STPG2: variants seen among roughly 807,000 people sequenced by gnomAD.
STPG2 encodes the protein sperm-tail PG-rich repeat-containing protein 2.
A neutral mutation model predicts 54.2 loss-of-function variants in STPG2; 56 were observed. The observed-to-expected ratio is 1.03, with a 90% confidence interval of 0.83 to 1.29. The LOEUF is 1.29. STPG2 is among the 50% of genes most tolerant of loss of function. The pLI, the probability that STPG2 is intolerant of heterozygous loss-of-function variation, is 0.00. For synonymous variants in STPG2, 200 were observed against 181.8 expected, an observed-to-expected ratio of 1.10 and a Z score of -0.81; for missense variants, 596 against 544.9, an observed-to-expected ratio of 1.09 and a Z score of -0.93.
At chr4:97,864,704 G>A (rs111565069) in intron 8 of STPG2, among the ~76,000 whole-genome samples, 3,771 of 152,072 alleles carry the variant, frequency 0.025, 102 homozygotes, top group African/African-American at 0.072. Context: ...CTACAAGGCT[G>A]CAGTAACCAA....
intron 4 of STPG2, among the ~76,000 whole-genome samples, chr4:97,468,813 GC>G (rs1199972753): frequency 2.0e-5 from 3 of 152,018 alleles, no homozygotes; most frequent in Non-Finnish European, 4.4e-5. Flanking sequence ...TTTGGCCTAT[GC>G]AGTGGAATGG....
chr4:97,727,857 T>G (rs1232038102), intron 9 of STPG2, among the ~76,000 whole-genome samples: 1 of 151,932 alleles, frequency 6.6e-6, no homozygotes, highest in South Asian at 2.1e-4. Context: ...TTAGCTATGA[T>G]TCCAGTTAAG....
At chr4:97,899,179 T>C (rs7696354) in intron 8 of STPG2, among the ~76,000 whole-genome samples, 96,110 of 151,652 alleles carry the variant, frequency 0.63, 32,281 homozygotes, top group African/African-American at 0.87. Context: ...ACACCAACAA[T>C]AGGCAAACTG....
intron 5 of STPG2, among the ~76,000 whole-genome samples, chr4:97,983,087 A>G (rs894815044): frequency 2.6e-5 from 4 of 152,168 alleles, no homozygotes; most frequent in Admixed American, 2.0e-4. Flanking sequence ...CCACTTATAC[A>G]CAAATTTTCT....
At chr4:97,820,650 T>G (rs1353878400) in intron 9 of STPG2, among the ~76,000 whole-genome samples, 1 of 152,212 alleles carries the variant, frequency 6.6e-6, no homozygotes, top group African/African-American at 2.4e-5. Context: ...GCTTAATTGC[T>G]TAACAGTTCT....
chr4:97,924,636 C>T (rs1434380599), intron 8 of STPG2, among the ~76,000 whole-genome samples: 1 of 152,132 alleles, frequency 6.6e-6, no homozygotes, highest in African/African-American at 2.4e-5. Context: ...GCAAGGTTTA[C>T]TCTTCATGAA....
intron 10 of STPG2, among the ~76,000 whole-genome samples, chr4:97,664,159 C>T (rs1722454781): frequency 6.6e-6 from 1 of 152,036 alleles, no homozygotes; most frequent in South Asian, 2.1e-4. Flanking sequence ...GTTTTCTATC[C>T]TTTATCTCAT....
At chr4:97,997,429 G>A (rs1012131438) in intron 5 of STPG2, among the ~76,000 whole-genome samples, 1 of 152,122 alleles carries the variant, frequency 6.6e-6, no homozygotes, top group African/African-American at 2.4e-5. Context: ...CAATGGGGAA[G>A]GTGTTACTTT....
chr4:97,454,386 G>A (rs1037402522), intron 4 of STPG2, among the ~76,000 whole-genome samples: 29 of 150,214 alleles, frequency 1.9e-4, no homozygotes, highest in South Asian at 6.3e-4. Context: ...GGTGGCGGGC[G>A]CCTGTAGTCC....
intron 9 of STPG2, among the ~76,000 whole-genome samples, chr4:97,824,661 G>A (rs1728198297): frequency 6.6e-6 from 1 of 152,126 alleles, no homozygotes; most frequent in African/African-American, 2.4e-5. Context: ...CCATCTGGAG[G>A]ACAGAAATTT....
At chr4:97,759,404 A>C (rs1008211420) in intron 9 of STPG2, among the ~76,000 whole-genome samples, 2 of 152,178 alleles carry the variant, frequency 1.3e-5, no homozygotes, top group African/African-American at 4.8e-5. Context: ...CTTTGAGAGA[A>C]CTGAAGGAAA....
At chr4:97,464,511 G>T (rs1578319934) in intron 4 of STPG2, among the ~76,000 whole-genome samples, 1 of 152,090 alleles carries the variant, frequency 6.6e-6, no homozygotes, top group East Asian at 1.9e-4. Flanking sequence ...CTTCCTCCTG[G>T]GTTTAAGCAA....
intron 8 of STPG2, among the ~76,000 whole-genome samples, chr4:97,909,245 A>G (rs1036594255): frequency 1.3e-5 from 2 of 152,026 alleles, no homozygotes; most frequent in Non-Finnish European, 2.9e-5. Context: ...TTATGCAAAT[A>G]CATTTGAAAA....
intron 8 of STPG2, among the ~76,000 whole-genome samples, chr4:97,935,845 G>A (rs925201604): frequency 6.6e-6 from 1 of 152,118 alleles, no homozygotes. Context: ...TGAGAAGAAT[G>A]TCTATTCTGT....
chr4:97,827,133 T>C (rs956554173), intron 9 of STPG2, among the ~76,000 whole-genome samples: 1 of 152,194 alleles, frequency 6.6e-6, no homozygotes, highest in Non-Finnish European at 1.5e-5. Flanking sequence ...ATGGACTAAA[T>C]TAAGATAGAA....
chr4:97,787,394 T>C (rs1726859864), intron 9 of STPG2, among the ~76,000 whole-genome samples: 1 of 152,110 alleles, frequency 6.6e-6, no homozygotes, highest in Admixed American at 6.6e-5. Flanking sequence ...CATCGGTTTT[T>C]ATTTTCTTTT....
chr4:97,585,767 A>T (rs1371403230), intron 10 of STPG2, among the ~76,000 whole-genome samples: 2 of 152,018 alleles, frequency 1.3e-5, no homozygotes, highest in African/African-American at 4.8e-5. Flanking sequence ...CAAAAAGCTT[A>T]ATGTAACACT....
chr4:98,125,174 T>A (rs1160836258), intron 3 of STPG2, among the ~76,000 whole-genome samples: 1 of 152,208 alleles, frequency 6.6e-6, no homozygotes, highest in African/African-American at 2.4e-5. Flanking sequence ...CCTACTTCTA[T>A]CAATTCATCC....
At chr4:97,900,886 C>A (rs559294411) in intron 8 of STPG2, among the ~76,000 whole-genome samples, 6 of 151,882 alleles carry the variant, frequency 4.0e-5, no homozygotes, top group African/African-American at 1.4e-4. Flanking sequence ...ACAAGTTTAC[C>A]TATGTAACAA....
Sources: allele counts gnomAD v4.1 joint callset (sites outside exome capture counted in the v4.1 genomes callset), GRCh38; gene constraint gnomAD v4.1.1; transcripts MANE v1.5; gene names NCBI Gene and HGNC (gene_info 2026-07-23, HGNC 2026-07-21).